MAPKAP1: variants seen among roughly 807,000 people sequenced by gnomAD.
The protein encoded by MAPKAP1 is MAPK associated protein 1, also known as target of rapamycin complex 2 subunit MAPKAP1.
A neutral mutation model predicts 65.7 loss-of-function variants in MAPKAP1; 20 were observed. The observed-to-expected ratio is 0.30, with a 90% confidence interval of 0.21 to 0.44. The LOEUF (loss-of-function observed/expected upper bound fraction) is 0.44, where lower values mean the gene tolerates loss of function less well. Among genes scored for constraint, MAPKAP1 ranks in the 20% least tolerant of loss-of-function variants. The pLI, the probability that MAPKAP1 is intolerant of heterozygous loss-of-function variation, is 1.00. For synonymous variants in MAPKAP1, 222 were observed against 244.3 expected (o/e 0.91, Z 0.85); for missense variants, 423 against 648.0 (o/e 0.65, Z 3.77).
chr9:125,690,475 T>C (rs1835133144), intron 1 of MAPKAP1, among the ~76,000 whole-genome samples: 2 of 152,236 alleles, frequency 1.3e-5, no homozygotes, highest in African/African-American at 4.8e-5. Flanking sequence ...GACCTGGCAT[T>C]CGTGGTGGGA....
At chr9:125,523,015 A>G (rs979857186) in intron 7 of MAPKAP1, among the ~76,000 whole-genome samples, 2 of 152,156 alleles carry the variant, frequency 1.3e-5, no homozygotes, top group African/African-American at 4.8e-5. Context: ...GCCCAACCAG[A>G]GTCCCAGACT....
chr9:125,563,728 ATTT>A (rs1283768235), intron 5 of MAPKAP1, among the ~76,000 whole-genome samples: 10 of 150,246 alleles, frequency 6.7e-5, no homozygotes, highest in East Asian at 1.9e-4. Flanking sequence ...TATTATTATT[ATTT>A]TTGAGATGGA....
At chr9:125,493,032 G>C (rs532814258) in intron 8 of MAPKAP1, among the ~76,000 whole-genome samples, 1 of 152,048 alleles carries the variant, frequency 6.6e-6, no homozygotes, top group South Asian at 2.1e-4. Context: ...CCTACACAGG[G>C]AACACCAAGT....
At chr9:125,590,031 C>T (rs1831907119) in intron 4 of MAPKAP1, among the ~76,000 whole-genome samples, 1 of 152,158 alleles carries the variant, frequency 6.6e-6, no homozygotes, top group Admixed American at 6.5e-5. Flanking sequence ...GTTGATAGCC[C>T]TCATATTACC....
At chr9:125,629,239 T>C (rs1342728248) in intron 4 of MAPKAP1, among the ~76,000 whole-genome samples, 1 of 152,212 alleles carries the variant, frequency 6.6e-6, no homozygotes, top group African/African-American at 2.4e-5. Flanking sequence ...GTAATCCCAC[T>C]TCTGGGTATA....
rs1212454701 is a variant in MAPKAP1 at position 125,651,711 on chromosome 9, C to T, written c.498+5940G>A. Among the ~76,000 whole-genome samples, 6 of 152,300 alleles carry T rather than the reference C, an allele frequency of 3.9e-5. No individual in the cohort carries two copies. In the South Asian group the frequency reaches 1.2e-3, roughly 32 times the overall value. ...CACTCTAGATTTATCTCATACTGGGCACTAAGCAAGCAAAGCCCTGGAGAA... is the reference window on the plus strand; with the variant it reads ...CACTCTAGATTTATCTCATACTGGGTACTAAGCAAGCAAAGCCCTGGAGAA... On this transcript the variant is annotated intron_variant, in intron 4 of 11. Transcript: ENST00000265960.
intron 11 of MAPKAP1, among the ~76,000 whole-genome samples, chr9:125,443,698 T>G (rs10986759): frequency 7.8e-6 from 1 of 128,806 alleles, no homozygotes; most frequent in Non-Finnish European, 1.6e-5. Context: ...CCCCGCCAGC[T>G]CCCCCAGCCC....
chr9:125,659,599 C>T (rs1006193877), intron 3 of MAPKAP1, among the ~76,000 whole-genome samples: 1 of 151,976 alleles, frequency 6.6e-6, no homozygotes, highest in African/African-American at 2.4e-5. Context: ...GCACTAGATC[C>T]CATCCCTCTT....
chr9:125,441,319 C>A (rs533606842), intron 11 of MAPKAP1, among the ~76,000 whole-genome samples: 24 of 152,250 alleles, frequency 1.6e-4, no homozygotes, highest in Admixed American at 1.4e-3. Context: ...GGGAAGAGGG[C>A]GGCTCTGGAG....
chr9:125,592,700 C>T (rs879840134), intron 4 of MAPKAP1, among the ~76,000 whole-genome samples: 2 of 151,292 alleles, frequency 1.3e-5, no homozygotes, highest in Non-Finnish European at 2.9e-5. Context: ...GTCAGGAGAT[C>T]GAGACCATCT....
chr9:125,451,148 G>A (rs528338169), intron 10 of MAPKAP1: 1 of 152,252 alleles, frequency 6.6e-6, no homozygotes, highest in South Asian at 2.1e-4. Context: ...AAACTCCCAT[G>A]GCAATGTGAT....
chr9:125,674,652 T>C (rs969158357), intron 1 of MAPKAP1, among the ~76,000 whole-genome samples: 2 of 152,250 alleles, frequency 1.3e-5, no homozygotes, highest in Non-Finnish European at 2.9e-5. Flanking sequence ...ATCATTCTGC[T>C]GATGTGTCTT....
Position 125,438,685 on chromosome 9 carries a change from A to C in MAPKAP1, c.*202T>G. Reference sequence around the variant, plus strand: ...TCGCTTATCAAAGCCACTGCCAAGCAGACTTCCGTCCCATGGCAATGTCCC... The same window carrying C: ...TCGCTTATCAAAGCCACTGCCAAGCCGACTTCCGTCCCATGGCAATGTCCC... On this transcript the variant is annotated 3_prime_UTR_variant, in exon 12 of 12. Transcript: ENST00000265960. 1 of 588,070 alleles carries C rather than the reference A, an allele frequency of 1.7e-6. No individual in the cohort carries two copies. Among genetic ancestry groups the C allele is most frequent in the South Asian group, 2.6e-5 (1 of 38,728 alleles). 36.4% of individuals were successfully genotyped at this position (588,070 alleles called of 1,614,324 possible).
rs1254727877 is a variant in MAPKAP1, at chr9:125,503,181, A to AACT, written c.1066+3126_1066+3128dup. 3.9e-5 allele frequency among the ~76,000 whole-genome samples: 6 copies of AACT among 152,174 alleles called. No individual in the cohort carries two copies. In the East Asian group the frequency reaches 1.2e-3, roughly 29 times the overall value. ...TCCTAACCATCTTACAGATGACAAC[A>AACT]ACTACTACTACTAAAGCCTTTAGTT... On this transcript the variant is annotated intron_variant, in intron 8 of 11. Transcript: ENST00000265960.
At chr9:125,484,326 GA>G in intron 9 of MAPKAP1, 116 bp downstream of exon 9, 1 of 1,101,164 alleles carries the variant, frequency 9.1e-7, no homozygotes, top group South Asian at 2.3e-5. Flanking sequence ...CATTTTCTCA[GA>G]AAACAAATTA....
intron 4 of MAPKAP1, among the ~76,000 whole-genome samples, chr9:125,622,999 T>A (rs906535198): frequency 1.3e-5 from 2 of 151,994 alleles, no homozygotes; most frequent in Non-Finnish European, 2.9e-5. Context: ...GGTTTCGCTG[T>A]GTTGGCCGGG....
chr9:125,511,158 TCATCAC>T lies in MAPKAP1; in HGVS notation c.959-4747_959-4742del, dbSNP rs969497738. The stretch of plus-strand genomic sequence containing the variant: ...AGTGTGATTTAAGTATCAGCTATCA[TCATCAC>T]CATCATCATCATCATCATCATCATC... On this transcript the variant is annotated intron_variant, in intron 7 of 11. Coordinates refer to ENST00000265960, the MANE Select transcript of MAPKAP1 (RefSeq NM_001006617.3). 6.2e-5 allele frequency among the ~76,000 whole-genome samples: 8 copies of T among 128,690 alleles called. No individual in the cohort carries two copies. The South Asian group carries it at 2.1e-3, about 33-fold the overall frequency. 84.4% of individuals were successfully genotyped at this position (128,690 alleles called of 152,430 possible).
At chr9:125,533,490 C>T (rs1829990519) in intron 7 of MAPKAP1, among the ~76,000 whole-genome samples, 1 of 151,802 alleles carries the variant, frequency 6.6e-6, no homozygotes, top group Non-Finnish European at 1.5e-5. Context: ...TACTCTGTCA[C>T]CCACGCTAGA....
At position 125,553,573 on chromosome 9, in the gene MAPKAP1, G is replaced by A. The variant is rs181226978; in HGVS notation, c.848+6060C>T. Among the ~76,000 whole-genome samples the A allele has an allele frequency of 2.6e-5, 4 of 151,952 alleles. No individual in the cohort carries two copies. The East Asian group carries it at 5.8e-4, about 22-fold the overall frequency. On this transcript the variant is annotated intron_variant, in intron 6 of 11. Coordinates refer to ENST00000265960, the MANE Select transcript of MAPKAP1 (RefSeq NM_001006617.3). Reference sequence around the variant, plus strand: ...ATGGGAGGGGAGGGGAGGGCAAGACGGAAAGAAAGAAAGAAACTTATTGGG... The same window carrying A: ...ATGGGAGGGGAGGGGAGGGCAAGACAGAAAGAAAGAAAGAAACTTATTGGG...
Sources: gnomAD v4.1 joint callset for allele counts (sites outside exome capture counted in the v4.1 genomes callset) on GRCh38, gnomAD v4.1.1 for gene constraint, MANE v1.5 for transcripts, NCBI Gene and HGNC (gene_info 2026-07-23, HGNC 2026-07-21) for gene names.